Variants in ARMC3 observed in about 807,000 individuals in gnomAD.
ARMC3 encodes armadillo repeat containing 3.
A neutral mutation model predicts 90.3 loss-of-function variants in ARMC3; 74 were observed. That is an observed-to-expected ratio of 0.82 (90% CI 0.68 to 0.99). ARMC3 has a LOEUF of 0.99. Among genes scored for constraint, ARMC3 ranks in the 50% least tolerant of loss-of-function variants. The pLI, the probability that ARMC3 is intolerant of heterozygous loss-of-function variation, is 0.00. For synonymous variants in ARMC3, 334 were observed against 361.8 expected (o/e 0.92, Z 0.87); for missense variants, 958 against 1,042.8 (o/e 0.92, Z 1.12).
At chr10:22,978,217 A>G (rs1449361433) in intron 8 of ARMC3, among the ~76,000 whole-genome samples, 1 of 152,214 alleles carries the variant, frequency 6.6e-6, no homozygotes, top group Non-Finnish European at 1.5e-5. Flanking sequence ...ATGAAGAAAT[A>G]CTTGAGACTG....
At chr10:23,010,087 C>T (rs9665507) in intron 16 of ARMC3, among the ~76,000 whole-genome samples, 80,544 of 151,510 alleles carry the variant, frequency 0.53, 22,748 homozygotes, top group Non-Finnish European at 0.62. Context: ...GCTACTCATC[C>T]ATCCCTGTGG....
chr10:23,030,537 C>A, intron 16 of ARMC3, 59 bp from the exon 17 acceptor site: 1 of 1,549,832 alleles, frequency 6.5e-7, no homozygotes, highest in South Asian at 1.2e-5. Flanking sequence ...AATGCAAGAG[C>A]AATTGTTTGT....
Position 22,931,505 on chromosome 10 carries a change from T to C in ARMC3, c.-1-491T>C, listed in dbSNP as rs554916433. Among the ~76,000 whole-genome samples, 10 of 152,318 alleles carry C rather than the reference T, an allele frequency of 6.6e-5. No individual in the cohort carries two copies. In the South Asian group the frequency reaches 2.1e-3, roughly 32 times the overall value. The stretch of plus-strand genomic sequence containing the variant: ...ATACCATTTATGAGATCATTACTCC[T>C]AGGAAAAATGGAGTTAATGAGGTTT... On this transcript the variant is annotated intron_variant, in intron 1 of 18. Coordinates refer to ENST00000298032, the MANE Select transcript of ARMC3 (RefSeq NM_173081.5).
intron 16 of ARMC3, among the ~76,000 whole-genome samples, chr10:23,009,627 T>C (rs866119310): frequency 5.9e-5 from 9 of 152,198 alleles, no homozygotes; most frequent in African/African-American, 1.9e-4. Context: ...ACCTCCTAAG[T>C]AGCTAGGATT....
In ARMC3 at chr10:23,022,822, A is replaced by G. The variant is rs1196968259; in HGVS notation, c.2046-7774A>G. Among the ~76,000 whole-genome samples, 3 of 152,080 alleles carry G rather than the reference A, an allele frequency of 2.0e-5. No homozygotes were observed. The East Asian group carries it at 5.8e-4, about 29-fold the overall frequency. On this transcript the variant is annotated intron_variant, in intron 16 of 18. Transcript: ENST00000298032. ...AGACTTGCTTCTCCCACCCAGAGAT[A>G]CTGGAGTGGCCAGAAGGGACCTGCT...
chr10:22,943,591 T>C (rs1333399583), intron 2 of ARMC3, among the ~76,000 whole-genome samples: 4 of 152,140 alleles, frequency 2.6e-5, no homozygotes, highest in African/African-American at 9.7e-5. Flanking sequence ...AAGCCATTAT[T>C]AGTTTTTTTT....
At chr10:23,010,451 T>C (rs562594800) in intron 16 of ARMC3, among the ~76,000 whole-genome samples, 55 of 2,394 alleles carry the variant, frequency 0.023, 1 homozygote, top group Non-Finnish European at 0.04. Context: ...CTCTCCTTCC[T>C]TTCCCTCCTC....
intron 1 of ARMC3, among the ~76,000 whole-genome samples, chr10:22,928,989 G>A (rs1833820266): frequency 1.3e-5 from 2 of 152,146 alleles, no homozygotes; most frequent in African/African-American, 4.8e-5. Context: ...CACTTTGGGA[G>A]GCTGAGGCGG....
In ARMC3 at chr10:23,006,793, G is replaced by T. The variant is rs564131685; in HGVS notation, c.1732-91G>T. 207 of 1,033,318 alleles carry T rather than the reference G, an allele frequency of 2.0e-4. 1 individual carries two copies. The African/African-American group carries it at 2.8e-3, about 14-fold the overall frequency. The allele number at this position is 1,033,318 out of a possible 1,614,324, so 64.0% of individuals were successfully genotyped here. ...GTTTGTGTGTGTGAAATGAGACACC[G>T]CAAACAGCTGAGAATATATTCTATC... On this transcript the variant is annotated intron_variant, in intron 13 of 18. Transcript: ENST00000298032.
chr10:23,009,083 A>G, intron 16 of ARMC3, 152 bp downstream of exon 16: 1 of 667,880 alleles, frequency 1.5e-6, no homozygotes. Context: ...TTTGTCTCTT[A>G]CCATCTCTTT....
intron 16 of ARMC3, among the ~76,000 whole-genome samples, chr10:23,020,682 C>T (rs534787870): frequency 8.5e-5 from 13 of 152,296 alleles, no homozygotes; most frequent in Non-Finnish European, 1.5e-4. Flanking sequence ...TTGCATTTCC[C>T]TAACAGCTAA....
At chr10:22,961,809 A>G in intron 6 of ARMC3, 75 bp from the exon 7 acceptor site, 2 of 1,262,888 alleles carry the variant, frequency 1.6e-6, no homozygotes, top group South Asian at 1.5e-5. Flanking sequence ...TTCTTGTGTT[A>G]GAAAACAGAA....
intron 8 of ARMC3, among the ~76,000 whole-genome samples, chr10:22,972,435 G>A (rs184085225): frequency 7.2e-4 from 110 of 152,206 alleles, no homozygotes; most frequent in African/African-American, 2.6e-3. Context: ...GTTGAAATTG[G>A]TTATTTGTAA....
intron 18 of ARMC3, among the ~76,000 whole-genome samples, chr10:23,036,104 A>T (rs1839117579): frequency 6.6e-6 from 1 of 152,194 alleles, no homozygotes; most frequent in Non-Finnish European, 1.5e-5. Context: ...TCTATTCCAC[A>T]GGGTTGGTTG....
chr10:22,941,236 G>C (rs1476460252), intron 2 of ARMC3, among the ~76,000 whole-genome samples: 1 of 152,146 alleles, frequency 6.6e-6, no homozygotes, highest in East Asian at 1.9e-4. Flanking sequence ...GAATGTTGTG[G>C]GGCATGGAAA....
chr10:22,956,559 C>T (rs961206639), intron 4 of ARMC3, among the ~76,000 whole-genome samples: 24 of 151,824 alleles, frequency 1.6e-4, no homozygotes, highest in African/African-American at 2.9e-4. Context: ...GCTGAGATTG[C>T]GCCACTGCAC....
chr10:22,949,126 A>T (rs1295948198), intron 3 of ARMC3, among the ~76,000 whole-genome samples: 1 of 152,218 alleles, frequency 6.6e-6, no homozygotes, highest in Non-Finnish European at 1.5e-5. Flanking sequence ...CACCTAGTAA[A>T]TATTAAAAGC....
rs775045707 is a variant in ARMC3 at position 22,998,443 on chromosome 10, C to T, written c.1425+46C>T. 2.5e-6 allele frequency: 4 copies of T among 1,597,252 alleles called. No individual in the cohort carries two copies. In the African/African-American group the frequency reaches 5.4e-5, roughly 21 times the overall value. ...TGTTCTCTCATTTTTCTGGTTAGTA[C>T]CTACTGGTGGATTCATTGGAAACAT... On this transcript the variant is annotated intron_variant, in intron 11 of 18. Coordinates refer to ENST00000298032, the MANE Select transcript of ARMC3 (RefSeq NM_173081.5).
At chr10:22,937,465 G>T (rs1834155716) in intron 2 of ARMC3, among the ~76,000 whole-genome samples, 1 of 152,114 alleles carries the variant, frequency 6.6e-6, no homozygotes, top group Non-Finnish European at 1.5e-5. Flanking sequence ...ATCTGTTTTA[G>T]ATGTGGGTTG....
Sources: gnomAD v4.1 joint callset for allele counts (sites outside exome capture counted in the v4.1 genomes callset) on GRCh38, gnomAD v4.1.1 for gene constraint, MANE v1.5 for transcripts, NCBI Gene and HGNC (gene_info 2026-07-23, HGNC 2026-07-21) for gene names.